Variants in PAFAH1B2 observed in about 807,000 individuals in gnomAD.
The protein encoded by PAFAH1B2 is platelet-activating factor acetylhydrolase IB subunit alpha2.
In PAFAH1B2, 8 loss-of-function variants were observed where a neutral mutation model predicts 28.0. The observed-to-expected ratio is 0.29, with a 90% CI of 0.17 to 0.52. The LOEUF (loss-of-function observed/expected upper bound fraction) is 0.52, where lower values mean the gene tolerates loss of function less well. PAFAH1B2 is among the 20% of genes least tolerant of loss of function. The pLI, the probability that PAFAH1B2 is intolerant of heterozygous loss-of-function variation, is 0.97. For missense variants in PAFAH1B2, 190 were observed against 282.6 expected, an observed-to-expected ratio of 0.67 and a Z score of 2.35; for synonymous variants, 104 against 103.2, an observed-to-expected ratio of 1.01 and a Z score of -0.05.
intron 2 of PAFAH1B2, 34 bp downstream of exon 2, chr11:117,152,562 G>A (rs745654069): frequency 2.8e-6 from 4 of 1,405,332 alleles, no homozygotes; most frequent in East Asian, 4.6e-5. Flanking sequence ...ATTCACATGA[G>A]TTGAGTCTCC....
At chr11:117,175,881 T>TCA, downstream of PAFAH1B2, 1 of 1,534,816 alleles carries the variant, frequency 6.5e-7, no homozygotes, top group Non-Finnish European at 8.7e-7. Flanking sequence ...GGGCAATGTA[T>TCA]CACGAGTGTT....
In PAFAH1B2 at chr11:117,163,829, T is replaced by G. The variant is rs773437937; in HGVS notation, c.348T>G (p.Gly116=). 1.1e-5 allele frequency: 18 copies of G among 1,613,930 alleles called. No homozygotes were observed. The highest frequency in any genetic ancestry group is 1.4e-5 in the Non-Finnish European group (17 of 1,179,894). ...NHENTAEEVA[G]GIEAIVQLIN... Reference sequence around the variant, plus strand: ...AAAATACAGCAGAAGAAGTAGCAGGTGGGATCGAGGCCATTGTACAACTTA... The same window carrying G: ...AAAATACAGCAGAAGAAGTAGCAGGGGGGATCGAGGCCATTGTACAACTTA... The change falls in exon 5 of 6, where the codon GGT becomes GGG. Residue 116 remains glycine (G), a synonymous_variant. Transcript: ENST00000527958.
intron 2 of PAFAH1B2, among the ~76,000 whole-genome samples, chr11:117,152,896 C>G (rs1013872995): frequency 2.6e-5 from 4 of 152,262 alleles, no homozygotes; most frequent in African/African-American, 9.6e-5. Context: ...TATGGTGAAA[C>G]CCGTCTCTAC....
chr11:117,171,658 A>G (rs1956652794), downstream of PAFAH1B2: 7 of 1,497,828 alleles, frequency 4.7e-6, no homozygotes, highest in Non-Finnish European at 6.3e-6. Context: ...TATCTCAGAG[A>G]TAGTGAGACT....
chr11:117,174,285 G>C (rs1368937061), downstream of PAFAH1B2, among the ~76,000 whole-genome samples: 2 of 151,484 alleles, frequency 1.3e-5, no homozygotes, highest in African/African-American at 2.4e-5. Context: ...CCAGGTTCAA[G>C]TGATTCTCCT....
downstream of PAFAH1B2, chr11:117,171,680 C>T (rs181761589): frequency 2.5e-5 from 38 of 1,533,558 alleles, no homozygotes; most frequent in African/African-American, 3.1e-4. Context: ...GAACAAGGGT[C>T]GGTTAACTGG....
chr11:117,160,366 C>T (rs1025649023), intron 3 of PAFAH1B2, among the ~76,000 whole-genome samples: 8 of 152,182 alleles, frequency 5.3e-5, no homozygotes, highest in Non-Finnish European at 1.0e-4. Flanking sequence ...TTATCCTAGT[C>T]ATGATTCTTA....
downstream of PAFAH1B2, chr11:117,175,826 G>C (rs2029948390): frequency 3.0e-6 from 4 of 1,343,736 alleles, no homozygotes; most frequent in South Asian, 3.9e-5. Context: ...AGCTACTCGA[G>C]AGGCTGTGGC....
chr11:117,150,999 A>G (rs1956137068), intron 1 of PAFAH1B2, among the ~76,000 whole-genome samples: 1 of 151,744 alleles, frequency 6.6e-6, no homozygotes, highest in Admixed American at 6.6e-5. Context: ...GAAAAAAAAA[A>G]AAAAAAGATG....
Position 117,163,672 on chromosome 11 carries a change from C to CAAA in PAFAH1B2, c.289-82_289-80dup, listed in dbSNP as rs3057863. The CAAA allele has an allele frequency of 1.9e-5, 20 of 1,065,008 alleles. No individual in the cohort carries two copies. In the African/African-American group the frequency reaches 2.7e-4, roughly 14 times the overall value. 66.0% of individuals were successfully genotyped at this position (1,065,008 alleles called of 1,614,324 possible). A position where few individuals can be genotyped will look rare whatever the true frequency, so the allele number is the denominator to read the frequency against. On this transcript the variant is annotated intron_variant, in intron 4 of 5. Transcript: ENST00000527958. ...TGGGTGATAGAGCGAGACCCCATCT[C>CAAA]AAAAAAAAAAAAAAAAAAGATTTTC...
chr11:117,174,164 T>TTGTGTGTGTGTGTGTGTG (rs55735449), downstream of PAFAH1B2, among the ~76,000 whole-genome samples: 268 of 138,912 alleles, frequency 1.9e-3, 3 homozygotes, highest in Middle Eastern at 3.7e-3. Context: ...TTCATGTCTT[T>TTGTGTGTGTGTGTGTGTG]TGTGTGTGTG....
chr11:117,151,568 A>T (rs1956152782), intron 1 of PAFAH1B2, among the ~76,000 whole-genome samples: 1 of 152,086 alleles, frequency 6.6e-6, no homozygotes, highest in South Asian at 2.1e-4. Context: ...TTACAAAAAT[A>T]AAAATACCTA....
intron 1 of PAFAH1B2, among the ~76,000 whole-genome samples, chr11:117,146,827 C>A (rs12275933): frequency 0.024 from 2,893 of 121,430 alleles, 86 homozygotes; most frequent in African/African-American, 0.077. Flanking sequence ...ATGGTGAGAT[C>A]CCCATCTATT....
intron 1 of PAFAH1B2, among the ~76,000 whole-genome samples, chr11:117,148,321 TGG>T (rs1956065041): frequency 6.6e-6 from 1 of 152,152 alleles, no homozygotes; most frequent in Non-Finnish European, 1.5e-5. Context: ...CCCAAAATGC[TGG>T]GATTACAGGT....
At chr11:117,150,831 C>G (rs1956132423) in intron 1 of PAFAH1B2, among the ~76,000 whole-genome samples, 1 of 151,712 alleles carries the variant, frequency 6.6e-6, no homozygotes, top group Non-Finnish European at 1.5e-5. Flanking sequence ...ACTAAAAATA[C>G]AAAAAAATTA....
intron 1 of PAFAH1B2, among the ~76,000 whole-genome samples, chr11:117,148,045 CTTTTTTTTTTCTT>C (rs1464372985): frequency 7.3e-6 from 1 of 136,832 alleles, no homozygotes; most frequent in African/African-American, 2.7e-5. Context: ...TATCTTTTTT[CTTTTTTTTTTCTT>C]TTTTTTTTTT....
At chr11:117,172,398 ATATATATTTTTTTTTTTTT>A (rs1956689977), downstream of PAFAH1B2, among the ~76,000 whole-genome samples, 7 of 2,828 alleles carry the variant, frequency 2.5e-3, no homozygotes, top group Non-Finnish European at 5.6e-3. Flanking sequence ...ATATATATAT[ATATATATTTTTTTTTTTTT>A]TTTTTTTTTT....
intron 1 of PAFAH1B2, among the ~76,000 whole-genome samples, chr11:117,145,340 G>A (rs1955975354): frequency 6.6e-6 from 1 of 152,122 alleles, no homozygotes; most frequent in Non-Finnish European, 1.5e-5. Context: ...CTAACACTCG[G>A]AGCTTTCGCC....
chr11:117,163,903 G>A lies in PAFAH1B2; in HGVS notation c.411+11G>A, dbSNP rs7122944. The A allele has an allele frequency of 6.2e-7, 1 of 1,612,122 alleles. No individual in the cohort carries two copies. The highest frequency in any genetic ancestry group is 2.2e-5 in the East Asian group (1 of 44,828). ...AAAATCATTGTATTGGTATGTAGTC[G>A]TTGGTGGGTAGAGAGTTTGTTATCT... On this transcript the variant is annotated intron_variant, in intron 5 of 5. Coordinates refer to ENST00000527958, the MANE Select transcript of PAFAH1B2 (RefSeq NM_002572.4).
Sources: gnomAD v4.1 joint callset for allele counts (sites outside exome capture counted in the v4.1 genomes callset) on GRCh38, gnomAD v4.1.1 for gene constraint, MANE v1.5 for transcripts, NCBI Gene and HGNC (gene_info 2026-07-23, HGNC 2026-07-21) for gene names.